Variants in PGM1 observed in about 807,000 individuals in gnomAD.
PGM1 encodes the protein phosphoglucomutase-1.
In PGM1, 52 loss-of-function variants were observed where a neutral mutation model predicts 55.6. The observed-to-expected ratio is 0.94, with a 90% CI of 0.75 to 1.18. PGM1 has a LOEUF of 1.18. Ranked by LOEUF, PGM1 falls within the 50% of genes most tolerant of loss-of-function variation. The pLI, the probability that PGM1 is intolerant of heterozygous loss-of-function variation, is 0.00. For missense variants in PGM1, 724 were observed against 729.3 expected (o/e 0.99, Z 0.08); for synonymous variants, 287 against 271.7 (o/e 1.06, Z -0.55).
chr1:63,597,487 C>T lies in PGM1; in HGVS notation c.246+3753C>T, dbSNP rs557561890. ...TTGTTGGTATTAGGACACAATCCAA[C>T]GTGATGCAGATATGAGCCACCCAGA... On this transcript the variant is annotated intron_variant, in intron 1 of 10. Coordinates refer to ENST00000371084, the MANE Select transcript of PGM1 (RefSeq NM_002633.3). 3.9e-5 allele frequency among the ~76,000 whole-genome samples: 6 copies of T among 152,296 alleles called. No homozygotes were observed. The South Asian group carries it at 1.2e-3, about 32-fold the overall frequency.
intron 7 of PGM1, 98 bp downstream of exon 7, chr1:63,638,898 C>G (rs550739006): frequency 2.3e-6 from 2 of 871,826 alleles, no homozygotes; most frequent in African/African-American, 1.6e-5. Context: ...CAACGGTAGC[C>G]GATGTGTCCT....
rs537939357 is a variant in PGM1, at chr1:63,639,655, A to G, written c.1144+855A>G. Reference sequence around the variant, plus strand: ...CCCTCTACCCAATATTTTTAAGTAAATGTGCTGATCTTGGTCCTATAGTAC... The same window carrying G: ...CCCTCTACCCAATATTTTTAAGTAAGTGTGCTGATCTTGGTCCTATAGTAC... On this transcript the variant is annotated intron_variant, in intron 7 of 10. Coordinates refer to ENST00000371084, the MANE Select transcript of PGM1 (RefSeq NM_002633.3). Among the ~76,000 whole-genome samples the G allele has an allele frequency of 2.6e-5, 4 of 152,152 alleles. No homozygotes were observed. In the South Asian group the frequency reaches 8.3e-4, roughly 32 times the overall value.
At chr1:63,596,574 C>T (rs1007653388) in intron 1 of PGM1, among the ~76,000 whole-genome samples, 4 of 152,176 alleles carry the variant, frequency 2.6e-5, no homozygotes, top group African/African-American at 9.6e-5. Context: ...TAGGTTTCTA[C>T]GCTCAGGTTG....
intron 1 of PGM1, among the ~76,000 whole-genome samples, chr1:63,604,911 A>G (rs1258983079): frequency 2.1e-5 from 2 of 93,260 alleles, no homozygotes; most frequent in African/African-American, 3.8e-5. Context: ...AGGGAGTTAC[A>G]TAACTCTGTG....
chr1:63,634,802 CA>C, intron 4 of PGM1, 26 bp from the exon 5 acceptor site: 1 of 1,584,818 alleles, frequency 6.3e-7, no homozygotes, highest in Admixed American at 1.7e-5. Context: ...TCTGATTCTG[CA>C]TACATTTATT....
intron 1 of PGM1, among the ~76,000 whole-genome samples, chr1:63,602,718 G>A (rs1192309281): frequency 6.6e-6 from 1 of 152,154 alleles, no homozygotes; most frequent in Non-Finnish European, 1.5e-5. Context: ...ACCGACAAGT[G>A]TGAGGATTGT....
In PGM1 at chr1:63,622,557, G is replaced by A. The variant is rs560331945; in HGVS notation, c.247-6868G>A. The stretch of plus-strand genomic sequence containing the variant: ...ATATTATTTTTCTAAATAAAAACTC[G>A]ATCCAACCCTGTGTACTCAGAAAAA... On this transcript the variant is annotated intron_variant, in intron 1 of 10. Transcript: ENST00000371084. Among the ~76,000 whole-genome samples, 11 of 152,150 alleles carry A rather than the reference G, an allele frequency of 7.2e-5. 1 individual carries two copies. The highest frequency in any genetic ancestry group is 3.9e-4 in the Admixed American group (6 of 15,278).
chr1:63,599,905 A>G (rs964285941), intron 1 of PGM1: 7 of 152,232 alleles, frequency 4.6e-5, no homozygotes, highest in Admixed American at 4.6e-4. Context: ...TGGATAACCT[A>G]TTGTCCTTTC....
intron 1 of PGM1, among the ~76,000 whole-genome samples, chr1:63,626,232 A>G (rs1208587232): frequency 6.6e-6 from 1 of 152,176 alleles, no homozygotes; most frequent in Non-Finnish European, 1.5e-5. Flanking sequence ...CAGATTTACC[A>G]TTTTAACCAT....
At chr1:63,607,451 C>T (rs1327588085) in intron 1 of PGM1, among the ~76,000 whole-genome samples, 2 of 152,098 alleles carry the variant, frequency 1.3e-5, no homozygotes, top group East Asian at 3.9e-4. Context: ...AAAGCTAACA[C>T]AGAAGGAAAA....
At chr1:63,655,103 G>A (rs923563570) in intron 10 of PGM1, among the ~76,000 whole-genome samples, 1 of 151,292 alleles carries the variant, frequency 6.6e-6, no homozygotes, top group Non-Finnish European at 1.5e-5. Context: ...TGAGTAGCTC[G>A]GATTACAGGC....
intron 1 of PGM1, among the ~76,000 whole-genome samples, chr1:63,622,309 G>A (rs1450771806): frequency 6.6e-6 from 1 of 152,116 alleles, no homozygotes; most frequent in African/African-American, 2.4e-5. Flanking sequence ...ACAGGTGTGA[G>A]CCACCATGCC....
intron 7 of PGM1, among the ~76,000 whole-genome samples, chr1:63,646,380 G>A (rs749987845): frequency 3.9e-5 from 6 of 152,108 alleles, no homozygotes; most frequent in Non-Finnish European, 8.8e-5. Context: ...TCAGGCTCTT[G>A]GAAAAGGGTG....
chr1:63,659,149 T>C lies in PGM1; in HGVS notation c.1600-437T>C, dbSNP rs562492627. ...CAGAGCCAAACCACATCAGTCCCAT[T>C]GGGAACAGTGTGGGAAAGAAATTGG... On this transcript the variant is annotated intron_variant, in intron 10 of 10. Coordinates refer to ENST00000371084, the MANE Select transcript of PGM1 (RefSeq NM_002633.3). Among the ~76,000 whole-genome samples, 108 of 152,216 alleles carry C rather than the reference T, an allele frequency of 7.1e-4. 2 individuals are homozygous for C. Among genetic ancestry groups the C allele is most frequent in the African/African-American group, 2.3e-3 (95 of 41,526 alleles).
intron 4 of PGM1, 152 bp downstream of exon 4, chr1:63,631,934 A>G (rs933446323): frequency 2.8e-5 from 22 of 785,094 alleles, no homozygotes; most frequent in Non-Finnish European, 3.2e-5. Flanking sequence ...ATTCACACAG[A>G]TAAAAATCTA....
chr1:63,649,923 T>G (rs921424835), intron 8 of PGM1, among the ~76,000 whole-genome samples: 2 of 152,216 alleles, frequency 1.3e-5, no homozygotes. Context: ...CAACTCATAG[T>G]AGAGACTGCA....
rs1649426524 is a variant in PGM1 at position 63,638,673 on chromosome 1, A to C, written c.1029-12A>C. On this transcript the variant is annotated splice_polypyrimidine_tract_variant and intron_variant, in intron 6 of 10. Coordinates refer to ENST00000371084, the MANE Select transcript of PGM1 (RefSeq NM_002633.3). The stretch of plus-strand genomic sequence containing the variant: ...CCTGCTGTGATGTAACTTTGATTTC[A>C]TGCCTTTGAAGGGTGGCTAGTGCTA... 6.3e-7 allele frequency: 1 copy of C among 1,577,918 alleles called. No individual in the cohort carries two copies. The highest frequency in any genetic ancestry group is 8.7e-7 in the Non-Finnish European group (1 of 1,146,984).
At chr1:63,636,746 C>T (rs1649374846) in intron 6 of PGM1, among the ~76,000 whole-genome samples, 1 of 152,214 alleles carries the variant, frequency 6.6e-6, no homozygotes, top group African/African-American at 2.4e-5. Context: ...AGGACAAACA[C>T]ACACACACAC....
At position 63,654,332 on chromosome 1, in the gene PGM1, G is replaced by T. The variant is rs747867084; in HGVS notation, c.1465G>T (p.Gly489Cys). ...AAAAATCTCTGCTTATCTTTTCCAG[G>T]GCTTGCGCCTCATTTTCACAGATGG... ...PVDGSISRNQ[G>C]LRLIFTDGSR... The change falls in exon 10 of 11, where the codon GGC becomes TGC. Residue 489 changes from glycine (G) to cysteine (C), a missense_variant and splice_region_variant. Physicochemically the swap from Gly to Cys is radical, Grantham distance 159. Transcript: ENST00000371084. The T allele has an allele frequency of 2.1e-5, 34 of 1,613,734 alleles. No individual in the cohort carries two copies. The highest frequency in any genetic ancestry group is 4.2e-6 in the Non-Finnish European group (5 of 1,179,814).
Sources: gnomAD v4.1 joint callset for allele counts (sites outside exome capture counted in the v4.1 genomes callset) on GRCh38, gnomAD v4.1.1 for gene constraint, MANE v1.5 for transcripts, NCBI Gene and HGNC (gene_info 2026-07-23, HGNC 2026-07-21) for gene names.